Variants in SERINC5 observed in about 807,000 individuals in gnomAD.
SERINC5 encodes the protein chromosome 5 open reading frame 12.
In SERINC5, 41 loss-of-function variants were observed where a neutral mutation model predicts 63.1. The ratio of observed to expected loss-of-function variants is 0.65; its 90% CI spans 0.51 to 0.84. The LOEUF is 0.84. SERINC5 is among the 40% of genes least tolerant of loss of function. SERINC5 has a pLI of 0.00. For synonymous variants in SERINC5, 222 were observed against 215.2 expected (o/e 1.03, Z -0.28); for missense variants, 523 against 573.0 (o/e 0.91, Z 0.89).
chr5:80,182,128 CTAAGAAGAAT>C (rs1748470012), intron 2 of SERINC5, among the ~76,000 whole-genome samples: 1 of 152,106 alleles, frequency 6.6e-6, no homozygotes, highest in African/African-American at 2.4e-5. Flanking sequence ...ATGAGAAGTA[CTAAGAAGAAT>C]TGGCTCCCTG....
intron 12 of SERINC5, among the ~76,000 whole-genome samples, chr5:80,112,041 G>A (rs575877007): frequency 7.2e-5 from 11 of 152,342 alleles, no homozygotes; most frequent in African/African-American, 2.6e-4. Context: ...CAGGAAAACC[G>A]GGTATTGTCC....
intron 8 of SERINC5, chr5:80,158,033 T>A (rs796511887): frequency 5.3e-5 from 8 of 152,332 alleles, no homozygotes; most frequent in African/African-American, 1.7e-4. Context: ...AATGTGCCTA[T>A]GGCTGAATTC....
At chr5:80,123,200 G>C (rs1377105983) in intron 11 of SERINC5, among the ~76,000 whole-genome samples, 2 of 152,178 alleles carry the variant, frequency 1.3e-5, no homozygotes, top group Non-Finnish European at 2.9e-5. Flanking sequence ...GGCTCAAGCA[G>C]TTCTCCCACC....
intron 1 of SERINC5, among the ~76,000 whole-genome samples, chr5:80,228,537 C>T (rs570029128): frequency 6.6e-6 from 1 of 152,036 alleles, no homozygotes; most frequent in South Asian, 2.1e-4. Context: ...CTCTTTGGAG[C>T]CTTGAACTCC....
chr5:80,168,126 G>A (rs562434516), intron 6 of SERINC5, among the ~76,000 whole-genome samples: 93 of 152,126 alleles, frequency 6.1e-4, no homozygotes, highest in African/African-American at 2.2e-3. Context: ...AAGGGATTAG[G>A]AGAATAATAC....
intron 2 of SERINC5, among the ~76,000 whole-genome samples, chr5:80,195,104 T>C (rs765541446): frequency 2.6e-5 from 4 of 152,060 alleles, no homozygotes; most frequent in South Asian, 2.1e-4. Context: ...CTGACCAACA[T>C]TGAGAAACCC....
In SERINC5 at chr5:80,177,414, A is replaced by T. The variant is rs779085113; in HGVS notation, c.375-17T>A. On this transcript the variant is annotated splice_polypyrimidine_tract_variant and intron_variant, in intron 3 of 11. Coordinates refer to ENST00000507668, the MANE Select transcript of SERINC5 (RefSeq NM_001174072.3). ...AACCAAAAGCTAGAAGTGGGGGGAA[A>T]AAAAAGAGGAAATGTATTTAAATGA... 1 of 1,590,546 alleles carries T rather than the reference A, an allele frequency of 6.3e-7. No homozygotes were observed. The highest frequency in any genetic ancestry group is 1.1e-5 in the South Asian group (1 of 90,454).
chr5:80,213,399 CAG>C (rs1561431348), intron 1 of SERINC5, among the ~76,000 whole-genome samples: 1 of 152,152 alleles, frequency 6.6e-6, no homozygotes, highest in Non-Finnish European at 1.5e-5. Flanking sequence ...GACCAAGGCT[CAG>C]AGAGGTTAAA....
intron 1 of SERINC5, among the ~76,000 whole-genome samples, chr5:80,232,673 A>G (rs1751502840): frequency 6.6e-6 from 1 of 152,022 alleles, no homozygotes; most frequent in South Asian, 2.1e-4. Flanking sequence ...ATTCCCAAAT[A>G]CTGAGGAGGT....
intron 1 of SERINC5, among the ~76,000 whole-genome samples, chr5:80,241,620 G>A (rs1292893773): frequency 6.6e-6 from 1 of 152,152 alleles, no homozygotes; most frequent in Non-Finnish European, 1.5e-5. Context: ...AGGATCACCT[G>A]AGCAAAGGAG....
intron 11 of SERINC5, among the ~76,000 whole-genome samples, chr5:80,119,810 C>A (rs1744472984): frequency 6.6e-6 from 1 of 152,192 alleles, no homozygotes; most frequent in African/African-American, 2.4e-5. Context: ...GCTGGTTAAA[C>A]AAAGCTTCAA....
rs1231174500 is a variant in SERINC5, at chr5:80,140,429, T to C, written c.*3234A>G. On this transcript the variant is annotated 3_prime_UTR_variant, in exon 12 of 12. Coordinates refer to ENST00000507668, the MANE Select transcript of SERINC5 (RefSeq NM_001174072.3). ...CTTCTGAGGAATCGGAAATAAACAA[T>C]GTTGTATGGAAACAGAACCCCAAAA... The C allele has an allele frequency of 1.0e-6, 1 of 983,248 alleles. No homozygotes were observed. The allele number at this position is 983,248 out of a possible 1,614,324, so 60.9% of individuals were successfully genotyped here. A position where few individuals can be genotyped will look rare whatever the true frequency, so the allele number is the denominator to read the frequency against.
intron 1 of SERINC5, among the ~76,000 whole-genome samples, chr5:80,249,414 T>C (rs1049840487): frequency 6.6e-6 from 1 of 152,058 alleles, no homozygotes; most frequent in East Asian, 1.9e-4. Context: ...GGTGGGTGCA[T>C]GTTAAAAAAA....
rs192224116 is a variant in SERINC5 at position 80,123,518 on chromosome 5, G to T, written c.1239-9893C>A. Among the ~76,000 whole-genome samples the T allele has an allele frequency of 3.9e-5, 6 of 152,346 alleles. No homozygotes were observed. The East Asian group carries it at 1.2e-3, about 29-fold the overall frequency. ...ATGCTCTTAGCTTTACATTTGCTCAGTTCCTTGTGCTGAGTTGTCTGTTAG... is the reference window on the plus strand; with the variant it reads ...ATGCTCTTAGCTTTACATTTGCTCATTTCCTTGTGCTGAGTTGTCTGTTAG... On this transcript the variant is annotated intron_variant, in intron 11 of 12. Transcript: ENST00000509193.
chr5:80,143,030 G>A lies in SERINC5; in HGVS notation c.*633C>T, dbSNP rs1409696668. ...GGGACCCAGAAAAGATGAGACCTCG[G>A]GGAAGGGTGCAGGCAGAGAGTGAAG... On this transcript the variant is annotated 3_prime_UTR_variant, in exon 12 of 12. Transcript: ENST00000507668. The A allele has an allele frequency of 1.0e-6, 1 of 985,334 alleles. No individual in the cohort carries two copies. Among genetic ancestry groups the A allele is most frequent in the Non-Finnish European group, 1.2e-6 (1 of 829,970 alleles). 61.0% of individuals were successfully genotyped at this position (985,334 alleles called of 1,614,324 possible).
intron 5 of SERINC5, among the ~76,000 whole-genome samples, chr5:80,173,814 T>C (rs1747838904): frequency 6.6e-6 from 1 of 152,044 alleles, no homozygotes; most frequent in African/African-American, 2.4e-5. Flanking sequence ...TTCACCTTTC[T>C]GCACTTAAAA....
Position 80,175,042 on chromosome 5 carries a change from G to A in SERINC5, c.463C>T (p.Arg155Cys), listed in dbSNP as rs1020094902. The change falls in exon 5 of 12, where the codon CGC becomes TGC. Residue 155 changes from arginine (R) to cysteine (C), a missense_variant. Transcript: ENST00000507668. ...AAGCCTCCGACGGCTCCCACATAGC[G>A]CCAGGCTGCAAAAGACCATGAAGAA... Reference protein sequence around the residue: ...PDQDTFLNAWRYVGAVGGFLF... With the variant: ...PDQDTFLNAWCYVGAVGGFLF... The A allele has an allele frequency of 1.1e-5, 17 of 1,587,788 alleles. No homozygotes were observed. Among genetic ancestry groups the A allele is most frequent in the African/African-American group, 6.7e-5 (5 of 74,334 alleles).
At chr5:80,199,501 T>C (rs1410628865) in intron 2 of SERINC5, among the ~76,000 whole-genome samples, 2 of 152,214 alleles carry the variant, frequency 1.3e-5, no homozygotes, top group African/African-American at 4.8e-5. Context: ...GCAACACCAG[T>C]GGAACATCTT....
intron 1 of SERINC5, among the ~76,000 whole-genome samples, chr5:80,252,058 C>CTTTT (rs3038416): frequency 2.9e-5 from 3 of 103,516 alleles, no homozygotes; most frequent in African/African-American, 1.1e-4. Context: ...TTTTCTTTTC[C>CTTTT]TTTTTTTTTT....
Sources: gnomAD v4.1 joint callset for allele counts (sites outside exome capture counted in the v4.1 genomes callset) on GRCh38, gnomAD v4.1.1 for gene constraint, MANE v1.5 for transcripts, NCBI Gene and HGNC (gene_info 2026-07-23, HGNC 2026-07-21) for gene names.